The following LRRC7 variants were observed in gnomAD, a reference collection of about 807,000 sequenced individuals.
LRRC7 encodes the protein leucine rich repeat containing 7.
A neutral mutation model predicts 175.7 loss-of-function variants in LRRC7; 23 were observed. The ratio of observed to expected loss-of-function variants is 0.13; its 90% CI spans 0.09 to 0.19. The LOEUF is 0.19. LRRC7 is among the 10% of genes least tolerant of loss of function. The probability of loss-of-function intolerance (pLI) is 1.00; values close to 1 mark genes in which losing one functional copy is unlikely to be tolerated. For missense variants in LRRC7, 1,354 were observed against 1,904.7 expected (o/e 0.71, Z 5.38); for synonymous variants, 685 against 680.9 (o/e 1.01, Z -0.09).
At chr1:69,874,053 A>G (rs148593387) in intron 7 of LRRC7, 4 of 152,214 alleles carry the variant, frequency 2.6e-5, no homozygotes, top group African/African-American at 9.6e-5. Context: ...TCCATTGTGG[A>G]CTTATTTTGC....
intron 4 of LRRC7, among the ~76,000 whole-genome samples, chr1:69,803,273 T>G (rs1676734265): frequency 6.6e-6 from 1 of 151,450 alleles, no homozygotes; most frequent in African/African-American, 2.4e-5. Context: ...AATATTAGGT[T>G]CAACTTGTTG....
chr1:69,975,791 C>T (rs1261541012), intron 8 of LRRC7, among the ~76,000 whole-genome samples: 1 of 152,208 alleles, frequency 6.6e-6, no homozygotes. Context: ...CTGCAGTCTT[C>T]CCTCCAGTCT....
chr1:70,007,857 T>C (rs1656127823), intron 11 of LRRC7, among the ~76,000 whole-genome samples: 1 of 152,184 alleles, frequency 6.6e-6, no homozygotes, highest in African/African-American at 2.4e-5. Context: ...TTGCCTTCAC[T>C]AGGTCCTCTA....
intron 23 of LRRC7, among the ~76,000 whole-genome samples, chr1:70,073,277 G>A (rs1662524511): frequency 6.6e-6 from 1 of 152,028 alleles, no homozygotes; most frequent in Non-Finnish European, 1.5e-5. Flanking sequence ...TATGATGCTT[G>A]CTCTTAAAGA....
chr1:70,092,308 C>T (rs1664085989), intron 25 of LRRC7, among the ~76,000 whole-genome samples: 1 of 152,058 alleles, frequency 6.6e-6, no homozygotes, highest in South Asian at 2.1e-4. Context: ...AAAATACTGC[C>T]TGAGCCTGAG....
At chr1:70,023,901 G>T (rs1657794654) in intron 17 of LRRC7, among the ~76,000 whole-genome samples, 1 of 152,012 alleles carries the variant, frequency 6.6e-6, no homozygotes, top group Non-Finnish European at 1.5e-5. Context: ...CAAATCGTAT[G>T]AATTCCTGTA....
chr1:70,109,913 A>G (rs1382411367), intron 26 of LRRC7, among the ~76,000 whole-genome samples: 2 of 152,214 alleles, frequency 1.3e-5, no homozygotes, highest in Non-Finnish European at 2.9e-5. Flanking sequence ...TCTCTTACCT[A>G]CTAGAATGTG....
intron 2 of LRRC7, among the ~76,000 whole-genome samples, chr1:69,719,333 AGAAT>A (rs1666101368): frequency 6.6e-6 from 1 of 151,762 alleles, no homozygotes; most frequent in African/African-American, 2.4e-5. Context: ...AATGAATGAA[AGAAT>A]GAATCAGTTC....
intron 2 of LRRC7, among the ~76,000 whole-genome samples, chr1:69,722,917 T>C (rs1025917172): frequency 1.3e-5 from 2 of 152,126 alleles, no homozygotes; most frequent in Non-Finnish European, 2.9e-5. Flanking sequence ...GTAATATATA[T>C]GCATTTTCTT....
chr1:70,073,426 G>A (rs184952780), intron 23 of LRRC7, among the ~76,000 whole-genome samples: 9 of 152,136 alleles, frequency 5.9e-5, no homozygotes, highest in South Asian at 2.1e-4. Context: ...ACTCCAGCCC[G>A]GGCGACAGAG....
At chr1:70,098,895 C>A (rs1029495374) in intron 25 of LRRC7, among the ~76,000 whole-genome samples, 232 of 152,038 alleles carry the variant, frequency 1.5e-3, no homozygotes, top group African/African-American at 4.9e-3. Flanking sequence ...CAGAGGTACA[C>A]GGAGGAACTG....
intron 2 of LRRC7, among the ~76,000 whole-genome samples, chr1:69,734,623 TA>T (rs943986934): frequency 6.6e-6 from 1 of 152,000 alleles, no homozygotes; most frequent in Non-Finnish European, 1.5e-5. Flanking sequence ...TTTGCTTTTA[TA>T]AATGATTATG....
At chr1:69,582,466 G>A (rs751477329) in intron 1 of LRRC7, among the ~76,000 whole-genome samples, 1 of 152,132 alleles carries the variant, frequency 6.6e-6, no homozygotes, top group Admixed American at 6.6e-5. Flanking sequence ...GGAGCAAGAG[G>A]CCAAACTGGC....
chr1:69,770,154 A>G (rs923436023), intron 3 of LRRC7, among the ~76,000 whole-genome samples: 1 of 152,200 alleles, frequency 6.6e-6, no homozygotes, highest in African/African-American at 2.4e-5. Flanking sequence ...TGCTGCCTCC[A>G]CAATGTACAA....
intron 2 of LRRC7, among the ~76,000 whole-genome samples, chr1:69,738,324 A>G (rs1668342718): frequency 6.6e-6 from 1 of 152,074 alleles, no homozygotes; most frequent in Admixed American, 6.6e-5. Flanking sequence ...CCCATAAGCC[A>G]TGGTCTTGCC....
At chr1:69,623,360 C>T (rs1200790397) in intron 1 of LRRC7, among the ~76,000 whole-genome samples, 1 of 151,680 alleles carries the variant, frequency 6.6e-6, no homozygotes, top group Non-Finnish European at 1.5e-5. Context: ...TCTATTGGCA[C>T]AGAGAAATCT....
At chr1:70,080,694 G>A (rs1030446966) in intron 24 of LRRC7, among the ~76,000 whole-genome samples, 1 of 152,168 alleles carries the variant, frequency 6.6e-6, no homozygotes, top group Non-Finnish European at 1.5e-5. Flanking sequence ...AATAATATCT[G>A]CAGCAAAAAC....
At chr1:69,574,876 T>C (rs1474621371) in intron 1 of LRRC7, among the ~76,000 whole-genome samples, 1 of 152,160 alleles carries the variant, frequency 6.6e-6, no homozygotes, top group Admixed American at 6.6e-5. Context: ...GTGTGATTAA[T>C]TTATTAAGAC....
chr1:69,933,017 G>A (rs909120835), intron 8 of LRRC7, among the ~76,000 whole-genome samples: 2 of 152,224 alleles, frequency 1.3e-5, no homozygotes, highest in East Asian at 1.9e-4. Context: ...CTCACTGGCT[G>A]TAAATGAATG....
Sources: allele counts gnomAD v4.1 joint callset (sites outside exome capture counted in the v4.1 genomes callset), GRCh38; gene constraint gnomAD v4.1.1; transcripts MANE v1.5; gene names NCBI Gene and HGNC (gene_info 2026-07-23, HGNC 2026-07-21).